The following SUCLG2 variants were observed in gnomAD, a reference collection of about 807,000 sequenced individuals.
The protein encoded by SUCLG2 is succinate--CoA ligase [GDP-forming] subunit beta, mitochondrial.
Under a neutral mutation model 47.9 loss-of-function variants are expected in SUCLG2, and 42 were observed. That is an observed-to-expected ratio of 0.88 (90% CI 0.69 to 1.14). The LOEUF (loss-of-function observed/expected upper bound fraction) is 1.14, where lower values mean the gene tolerates loss of function less well. Ranked by LOEUF, SUCLG2 falls within the 50% of genes most tolerant of loss-of-function variation. The pLI is 0.00. For missense variants in SUCLG2, 571 were observed against 525.9 expected (o/e 1.09, Z -0.84); for synonymous variants, 195 against 197.3 (o/e 0.99, Z 0.10).
intron 2 of SUCLG2, among the ~76,000 whole-genome samples, chr3:67,556,778 A>G (rs9818350): frequency 0.22 from 33,826 of 152,080 alleles, 6,567 homozygotes; most frequent in African/African-American, 0.49. Context: ...ACCAAGGACA[A>G]CATGTTTTGG....
intron 3 of SUCLG2, among the ~76,000 whole-genome samples, chr3:67,528,669 G>A (rs1706318964): frequency 6.6e-6 from 1 of 152,188 alleles, no homozygotes; most frequent in African/African-American, 2.4e-5. Flanking sequence ...AGGAGATGCA[G>A]GAGATGAAGT....
At chr3:67,376,751 C>A (rs1702041533) in intron 10 of SUCLG2, among the ~76,000 whole-genome samples, 1 of 152,150 alleles carries the variant, frequency 6.6e-6, no homozygotes, top group African/African-American at 2.4e-5. Context: ...GATGATGCAG[C>A]ACTGATTCCC....
intron 4 of SUCLG2, among the ~76,000 whole-genome samples, chr3:67,527,088 C>T (rs185723023): frequency 6.6e-6 from 1 of 152,268 alleles, no homozygotes; most frequent in Admixed American, 6.5e-5. Flanking sequence ...CTACTATGTA[C>T]CCACAAAAAT....
intron 2 of SUCLG2, among the ~76,000 whole-genome samples, chr3:67,554,870 G>A (rs1297716287): frequency 6.6e-6 from 1 of 152,124 alleles, no homozygotes; most frequent in East Asian, 1.9e-4. Context: ...GTGAAAAAGT[G>A]ACAGGTCCCC....
chr3:67,414,464 G>T (rs1477425267), intron 9 of SUCLG2, among the ~76,000 whole-genome samples: 1 of 152,196 alleles, frequency 6.6e-6, no homozygotes, highest in African/African-American at 2.4e-5. Flanking sequence ...TTCAAACTCA[G>T]TGCCAGACAG....
intron 2 of SUCLG2, among the ~76,000 whole-genome samples, chr3:67,590,349 G>A (rs1708127528): frequency 6.6e-6 from 1 of 152,116 alleles, no homozygotes; most frequent in Admixed American, 6.5e-5. Context: ...TTTTGAACTA[G>A]ACAGGTGATA....
intron 9 of SUCLG2, among the ~76,000 whole-genome samples, chr3:67,460,638 G>A (rs962436981): frequency 3.9e-5 from 6 of 151,952 alleles, no homozygotes; most frequent in Non-Finnish European, 8.8e-5. Flanking sequence ...CCAAATTATC[G>A]GAGTGCTTTA....
intron 10 of SUCLG2, among the ~76,000 whole-genome samples, chr3:67,362,021 C>T (rs956690871): frequency 2.6e-5 from 4 of 152,252 alleles, no homozygotes; most frequent in Non-Finnish European, 5.9e-5. Context: ...ATAAGCCAAA[C>T]CAACAGGAAA....
chr3:67,476,340 T>C (rs1416478409), intron 9 of SUCLG2, among the ~76,000 whole-genome samples: 1 of 151,944 alleles, frequency 6.6e-6, no homozygotes, highest in Non-Finnish European at 1.5e-5. Flanking sequence ...CGGGATTAGA[T>C]TCCCATGAGC....
intron 3 of SUCLG2, 59 bp from the exon 4 acceptor site, chr3:67,528,281 A>T: frequency 2.0e-6 from 3 of 1,484,748 alleles, no homozygotes; most frequent in Non-Finnish European, 2.8e-6. Flanking sequence ...TTTAAATGAG[A>T]GTCCTTACAC....
rs866259381 is a variant in SUCLG2, at chr3:67,607,081, G to A, written c.226+2374C>T. Among the ~76,000 whole-genome samples the A allele has an allele frequency of 6.6e-5, 10 of 152,290 alleles. No individual in the cohort carries two copies. In the Middle Eastern group the frequency reaches 0.02, roughly 311 times the overall value. ...TCCTAAACTCTCAACCTGTGCTACT[G>A]ATACCTGGACAAGACTGAGTAGCAG... On this transcript the variant is annotated intron_variant, in intron 2 of 10. Coordinates refer to ENST00000307227, the MANE Select transcript of SUCLG2 (RefSeq NM_003848.4).
chr3:67,433,609 G>T (rs1575692283), intron 9 of SUCLG2, among the ~76,000 whole-genome samples: 1 of 152,116 alleles, frequency 6.6e-6, no homozygotes, highest in Non-Finnish European at 1.5e-5. Flanking sequence ...GCGAAATGAG[G>T]TATAAACTGA....
chr3:67,462,629 T>C (rs1030003586), intron 9 of SUCLG2, among the ~76,000 whole-genome samples: 2 of 152,216 alleles, frequency 1.3e-5, no homozygotes, highest in South Asian at 2.1e-4. Flanking sequence ...GTATCTTCTG[T>C]AACATCCTTT....
chr3:67,447,070 G>A (rs1703945863), intron 9 of SUCLG2, among the ~76,000 whole-genome samples: 1 of 152,122 alleles, frequency 6.6e-6, no homozygotes, highest in African/African-American at 2.4e-5. Context: ...TGGTTCACTA[G>A]TTTTATTTAA....
intron 9 of SUCLG2, among the ~76,000 whole-genome samples, chr3:67,458,781 T>C (rs988450677): frequency 2.6e-5 from 4 of 152,284 alleles, no homozygotes; most frequent in Admixed American, 6.5e-5. Flanking sequence ...ACACTCCAAG[T>C]ATGCTGCCCT....
intron 7 of SUCLG2, among the ~76,000 whole-genome samples, chr3:67,499,754 C>T (rs2107072594): frequency 6.6e-6 from 1 of 150,704 alleles, no homozygotes; most frequent in East Asian, 1.9e-4. Context: ...ATTTCGGAGA[C>T]AGAGTCTCAC....
At chr3:67,371,356 C>T (rs1290188774), downstream of SUCLG2, among the ~76,000 whole-genome samples, 1 of 152,196 alleles carries the variant, frequency 6.6e-6, no homozygotes, top group African/African-American at 2.4e-5. Context: ...ATAAGACTGC[C>T]AGACCTAAAC....
intron 9 of SUCLG2, among the ~76,000 whole-genome samples, chr3:67,444,014 G>A (rs1398019599): frequency 2.4e-5 from 3 of 125,794 alleles, no homozygotes; most frequent in Non-Finnish European, 3.5e-5. Flanking sequence ...GGGAGGTGGG[G>A]GGGTCAGCCC....
intron 9 of SUCLG2, among the ~76,000 whole-genome samples, chr3:67,440,993 G>C (rs1703748842): frequency 6.6e-6 from 1 of 152,166 alleles, no homozygotes; most frequent in African/African-American, 2.4e-5. Flanking sequence ...GCCCATCAAT[G>C]ATAGACTGGA....
Sources: gnomAD v4.1 joint callset for allele counts (sites outside exome capture counted in the v4.1 genomes callset) on GRCh38, gnomAD v4.1.1 for gene constraint, MANE v1.5 for transcripts, NCBI Gene and HGNC (gene_info 2026-07-23, HGNC 2026-07-21) for gene names.